MSH6: variants seen among roughly 807,000 people sequenced by gnomAD.
MSH6 encodes DNA mismatch repair protein Msh6.
MSH6 carries 85 observed loss-of-function variants against 119.1 expected under a neutral mutation model. The ratio of observed to expected loss-of-function variants is 0.71; its 90% CI spans 0.60 to 0.85. MSH6 has a LOEUF of 0.85. MSH6 is among the 40% of genes least tolerant of loss of function. The pLI is 0.00. For missense variants in MSH6, 2,163 were observed against 1,655.3 expected (o/e 1.31, Z -5.32); for synonymous variants, 830 against 586.9 (o/e 1.41, Z -5.99).
At chr2:47,791,675 CT>C (rs575880393) in intron 2 of MSH6, among the ~76,000 whole-genome samples, 2,212 of 132,482 alleles carry the variant, frequency 0.017, 45 homozygotes, top group African/African-American at 0.046. Flanking sequence ...CTCTTTCTTT[CT>C]TTTTTTTTTT....
At chr2:47,785,463 C>G (rs1668296200) in intron 1 of MSH6, among the ~76,000 whole-genome samples, 1 of 151,920 alleles carries the variant, frequency 6.6e-6, no homozygotes, top group Admixed American at 6.6e-5. Context: ...AGTGGTCCAC[C>G]CACTTCAGCC....
In MSH6 at chr2:47,800,686, T is replaced by G. The variant is rs1064795083; in HGVS notation, c.2703T>G (p.Arg901=). Residue 901 remains arginine (R), a synonymous_variant, in exon 4 of 10, where the codon CGT becomes CGG. Coordinates refer to ENST00000234420, the MANE Select transcript of MSH6 (RefSeq NM_000179.3). ...TGCAGACAAAAAATCCTGAAGGTCG[T>G]TTTCCTGATTTGACTGTAGAATTGA... The part of the protein sequence containing the change: ...ISLQTKNPEG[R]FPDLTVELNR... 1 of 1,614,154 alleles carries G rather than the reference T, an allele frequency of 6.2e-7. No homozygotes were observed. The highest frequency in any genetic ancestry group is 8.5e-7 in the Non-Finnish European group (1 of 1,180,014).
At chr2:47,808,878 G>A, downstream of MSH6, 1 of 304,838 alleles carries the variant, frequency 3.3e-6, no homozygotes, top group Non-Finnish European at 6.0e-6. Flanking sequence ...GTTTTGTTTT[G>A]TAGAGACAGG....
downstream of MSH6, chr2:47,809,039 A>T (rs1156994821): frequency 1.6e-6 from 1 of 608,556 alleles, no homozygotes; most frequent in Admixed American, 3.3e-5. Context: ...GATTGATGAT[A>T]AAATTTTCAG....
In MSH6 at chr2:47,783,379, C is replaced by T. The variant is rs775498550; in HGVS notation, c.146C>T (p.Ala49Val). Residue 49 changes from alanine (A) to valine (V), a missense_variant, in exon 1 of 10, where the codon GCC (alanine) becomes GTC (valine). Physicochemically the swap from Ala to Val is moderately conservative, Grantham distance 64 (BLOSUM62 0). Coordinates refer to ENST00000234420, the MANE Select transcript of MSH6 (RefSeq NM_000179.3). ...GASPSPGGDA[A>V]WSEAGPGPRP... ...TCTCCTTCCCCAGGCGGGGATGCGG[C>T]CTGGAGCGAGGCTGGGCCTGGGCCC... 7.5e-6 allele frequency: 12 copies of T among 1,593,790 alleles called. No individual in the cohort carries two copies. The highest frequency in any genetic ancestry group is 2.7e-5 in the African/African-American group (2 of 74,038).
In MSH6 at chr2:47,799,873, A is replaced by G. The variant is rs1468271394; in HGVS notation, c.1890A>G (p.Ala630=). 1 of 1,614,218 alleles carries G rather than the reference A, an allele frequency of 6.2e-7. No homozygotes were observed. The highest frequency in any genetic ancestry group is 8.5e-7 in the Non-Finnish European group (1 of 1,180,040). The stretch of plus-strand genomic sequence containing the variant: ...TACCCGGCTCCCAGTTTTGGGATGC[A>G]TCCAAAACTTTGAGAACTCTCCTTG... ...GLIPGSQFWD[A]SKTLRTLLEE... Residue 630 remains alanine (A), a synonymous_variant, in exon 4 of 10, where the codon GCA becomes GCG. Transcript: ENST00000234420.
intron 1 of MSH6, among the ~76,000 whole-genome samples, chr2:47,788,481 C>T (rs1371832640): frequency 1.3e-5 from 2 of 150,072 alleles, no homozygotes; most frequent in Non-Finnish European, 3.0e-5. Context: ...TCTCGAACTC[C>T]TGACCTCGTG....
chr2:47,792,430 G>A (rs527477618), intron 2 of MSH6, among the ~76,000 whole-genome samples: 159 of 152,296 alleles, frequency 1.0e-3, no homozygotes, highest in Middle Eastern at 6.8e-3. Flanking sequence ...ACATACAGGT[G>A]GAAAGAGAAT....
In MSH6 at chr2:47,806,134, TTTTTG is replaced by T. The variant is rs3136363; in HGVS notation, c.3647-65_3647-61del. 3,919 of 1,201,868 alleles carry T rather than the reference TTTTTG, an allele frequency of 3.3e-3. 7 individuals are homozygous for T. The highest frequency in any genetic ancestry group is 3.8e-3 in the Non-Finnish European group (3,177 of 840,746). The allele number at this position is 1,201,868 out of a possible 1,614,324, so 74.5% of individuals were successfully genotyped here. On this transcript the variant is annotated intron_variant, in intron 7 of 9. Transcript: ENST00000234420. ...CCGATGTTGCTTTTCTGTCCTAGCA[TTTTTG>T]TTTTAATTCCTTTTTTGTTTTAATT...
chr2:47,798,270 G>A (rs1380526627), intron 3 of MSH6, among the ~76,000 whole-genome samples: 1 of 152,158 alleles, frequency 6.6e-6, no homozygotes, highest in African/African-American at 2.4e-5. Context: ...TACAGATGGG[G>A]TTATCCCATC....
At chr2:47,791,831 C>T (rs564469963) in intron 2 of MSH6, among the ~76,000 whole-genome samples, 19 of 151,586 alleles carry the variant, frequency 1.3e-4, no homozygotes, top group Non-Finnish European at 2.5e-4. Context: ...GCACACGCCA[C>T]GTTGCCTGGC....
chr2:47,806,640 A>G lies in MSH6; in HGVS notation c.3990A>G (p.Leu1330=), dbSNP rs1558394684. Residue 1330 remains leucine (L), a synonymous_variant, in exon 9 of 10, where the codon CTA becomes CTG. Transcript: ENST00000234420. ...AREFEKMNQS[L]RLFREVCLAS... The stretch of plus-strand genomic sequence containing the variant: ...AATTTGAGAAGATGAATCAGTCACT[A>G]CGATTATTTCGGTAACTAACTAACT... 1 of 1,610,262 alleles carries G rather than the reference A, an allele frequency of 6.2e-7. No homozygotes were observed.
chr2:47,809,813 A>G (rs1443178139), downstream of MSH6: 1 of 693,580 alleles, frequency 1.4e-6, no homozygotes, highest in Non-Finnish European at 2.5e-6. Flanking sequence ...AAGTACATTA[A>G]CCCTCTTAAT....
intron 4 of MSH6, chr2:47,801,456 C>T (rs1157682109): frequency 9.2e-6 from 3 of 325,098 alleles, no homozygotes; most frequent in Non-Finnish European, 1.7e-5. Context: ...CAGCCTCGAC[C>T]TCCCAGGCTT....
downstream of MSH6, chr2:47,808,306 T>C (rs756773186): frequency 5.6e-6 from 9 of 1,612,564 alleles, no homozygotes; most frequent in South Asian, 5.5e-5. Context: ...TTGGGTAATA[T>C]ATCAAGCAAG....
intron 1 of MSH6, among the ~76,000 whole-genome samples, chr2:47,787,990 A>G (rs1382408689): frequency 6.6e-6 from 1 of 152,210 alleles, no homozygotes; most frequent in Non-Finnish European, 1.5e-5. Context: ...TTACACACAA[A>G]AAAAATTTGG....
At chr2:47,787,633 T>C (rs1668425757) in intron 1 of MSH6, among the ~76,000 whole-genome samples, 2 of 152,132 alleles carry the variant, frequency 1.3e-5, no homozygotes, top group African/African-American at 4.8e-5. Flanking sequence ...GGAGCAATGG[T>C]GGCAGGCAGT....
downstream of MSH6, chr2:47,809,711 A>T: frequency 6.2e-7 from 1 of 1,600,894 alleles, no homozygotes; most frequent in Non-Finnish European, 8.6e-7. Context: ...TCAATACCTG[A>T]AGTAAAATTT....
chr2:47,809,111 G>T (rs1183153525), downstream of MSH6: 6 of 1,224,104 alleles, frequency 4.9e-6, no homozygotes, highest in East Asian at 1.4e-4. Flanking sequence ...ATTTAAAAAG[G>T]AAATCAGTCT....
Sources: gnomAD v4.1 joint callset for allele counts (sites outside exome capture counted in the v4.1 genomes callset) on GRCh38, gnomAD v4.1.1 for gene constraint, MANE v1.5 for transcripts, NCBI Gene and HGNC (gene_info 2026-07-23, HGNC 2026-07-21) for gene names.